FARS2: variants seen among roughly 807,000 people sequenced by gnomAD.
The protein encoded by FARS2 is phenylalanine--tRNA ligase, mitochondrial.
Under a neutral mutation model 46.4 loss-of-function variants are expected in FARS2, and 40 were observed. That is an observed-to-expected ratio of 0.86 (90% CI 0.67 to 1.12). The LOEUF (loss-of-function observed/expected upper bound fraction) is 1.12. Ranked by LOEUF, FARS2 falls within the 50% of genes most tolerant of loss-of-function variation. The probability of loss-of-function intolerance (pLI) is 0.00; values close to 1 mark genes in which losing one functional copy is unlikely to be tolerated. For missense variants in FARS2, 513 were observed against 567.9 expected, an observed-to-expected ratio of 0.90 and a Z score of 0.98; for synonymous variants, 234 against 214.9, an observed-to-expected ratio of 1.09 and a Z score of -0.78.
the FARS2 span, among the ~76,000 whole-genome samples, chr6:5,254,949 C>T: frequency 6.6e-6 from 1 of 152,114 alleles, no homozygotes; most frequent in Non-Finnish European, 1.5e-5. Context: ...TGATTCATGT[C>T]TCAACCCCCA....
chr6:5,771,178 C>A, intron 6 of FARS2, 113 bp from the exon 7 acceptor site: 1 of 1,182,046 alleles, frequency 8.5e-7, no homozygotes, highest in Non-Finnish European at 1.2e-6. Flanking sequence ...ACCTGGATTC[C>A]AACCTCAGTT....
intron 5 of FARS2, among the ~76,000 whole-genome samples, chr6:5,580,286 T>G (rs1773248920): frequency 2.0e-5 from 1 of 50,478 alleles, no homozygotes; most frequent in Non-Finnish European, 3.6e-5. Context: ...GAAGACTCCG[T>G]CTCAAAAAAA....
At chr6:5,585,792 C>T (rs1190028852) in intron 5 of FARS2, among the ~76,000 whole-genome samples, 2 of 151,796 alleles carry the variant, frequency 1.3e-5, no homozygotes, top group African/African-American at 4.8e-5. Flanking sequence ...ATATATATGT[C>T]AATTTCTTTA....
chr6:5,748,664 A>G (rs925522154), intron 6 of FARS2, among the ~76,000 whole-genome samples: 1 of 152,362 alleles, frequency 6.6e-6, no homozygotes, highest in East Asian at 1.9e-4. Flanking sequence ...TCGTTCAAAG[A>G]CACACTACTA....
rs1266832148 is a variant in FARS2, at chr6:5,537,465, G to GTTGGAGATGT, written c.905-7715_905-7714insTTGGAGATGT. On this transcript the variant is annotated intron_variant, in intron 4 of 6. Transcript: ENST00000274680. ...GGAGATGTCCCGGGCCTCCTCTCGAGCTGGAGATGTCCCGGGCCTCCTCTC... is the reference window on the plus strand; with the variant it reads ...GGAGATGTCCCGGGCCTCCTCTCGAGTTGGAGATGTCTGGAGATGTCCCGGGCCTCCTCTC... Among the ~76,000 whole-genome samples the GTTGGAGATGT allele has an allele frequency of 9.0e-4, 123 of 136,164 alleles. 54 individuals carry two copies. The highest frequency in any genetic ancestry group is 1.4e-3 in the Non-Finnish European group (89 of 61,690). The allele number at this position is 136,164 out of a possible 152,430, so 89.3% of individuals were successfully genotyped here. A position where few individuals can be genotyped will look rare whatever the true frequency, so the allele number is the denominator to read the frequency against.
intron 4 of FARS2, among the ~76,000 whole-genome samples, chr6:5,441,565 T>C (rs112003368): frequency 2.2e-3 from 340 of 152,348 alleles, no homozygotes; most frequent in African/African-American, 7.7e-3. Flanking sequence ...TTCATCTGTG[T>C]TGTCATAAGT....
intron 1 of FARS2, among the ~76,000 whole-genome samples, chr6:5,319,116 C>T (rs889221983): frequency 2.6e-5 from 4 of 152,014 alleles, no homozygotes; most frequent in African/African-American, 9.7e-5. Flanking sequence ...CCCCCTGTGC[C>T]CTCCCAGGAA....
intron 6 of FARS2, among the ~76,000 whole-genome samples, chr6:5,744,762 G>A (rs986426140): frequency 5.9e-5 from 9 of 152,228 alleles, no homozygotes; most frequent in African/African-American, 1.7e-4. Context: ...CGTGATTGGC[G>A]CATAGCCAAG....
chr6:5,509,821 A>G (rs978779192), intron 4 of FARS2, among the ~76,000 whole-genome samples: 4 of 152,232 alleles, frequency 2.6e-5, no homozygotes, highest in Admixed American at 6.5e-5. Flanking sequence ...TATCCACAAC[A>G]CAACATCTAT....
intron 6 of FARS2, among the ~76,000 whole-genome samples, chr6:5,766,163 T>C (rs1762738573): frequency 6.6e-6 from 1 of 152,244 alleles, no homozygotes; most frequent in Non-Finnish European, 1.5e-5. Context: ...AGAGAACTTT[T>C]GTTTGCCTCT....
At chr6:5,696,751 A>AT (rs1188052203) in intron 6 of FARS2, among the ~76,000 whole-genome samples, 1 of 152,192 alleles carries the variant, frequency 6.6e-6, no homozygotes, top group Non-Finnish European at 1.5e-5. Flanking sequence ...TACAATTTAA[A>AT]TTTTTTACTA....
intron 5 of FARS2, among the ~76,000 whole-genome samples, chr6:5,545,813 A>G (rs1459218950): frequency 6.6e-6 from 1 of 152,104 alleles, no homozygotes; most frequent in East Asian, 1.9e-4. Flanking sequence ...GGCTGCATGA[A>G]TTTTAAATAA....
chr6:5,628,603 G>A lies in FARS2; in HGVS notation c.1217+15283G>A, dbSNP rs77326602. Reference sequence around the variant, plus strand: ...ATGTTTGGACAGAAAACCAAAGGGCGCTTGGATTACTCCTCCAGCGGCTGA... The same window carrying A: ...ATGTTTGGACAGAAAACCAAAGGGCACTTGGATTACTCCTCCAGCGGCTGA... On this transcript the variant is annotated intron_variant, in intron 6 of 6. Coordinates refer to ENST00000274680, the MANE Select transcript of FARS2 (RefSeq NM_006567.5). 2.4e-4 allele frequency among the ~76,000 whole-genome samples: 37 copies of A among 152,364 alleles called. 1 individual carries two copies. The highest frequency in any genetic ancestry group is 1.9e-4 in the East Asian group (1 of 5,186).
chr6:5,618,941 T>A (rs1381412228), intron 6 of FARS2, among the ~76,000 whole-genome samples: 1 of 152,226 alleles, frequency 6.6e-6, no homozygotes, highest in East Asian at 1.9e-4. Flanking sequence ...TGATATCCCC[T>A]CCATCACATT....
chr6:5,354,314 CTAT>C lies in FARS2; in HGVS notation c.-21-14229_-21-14227del, dbSNP rs145289885. On this transcript the variant is annotated intron_variant, in intron 1 of 6. Transcript: ENST00000274680. The stretch of plus-strand genomic sequence containing the variant: ...TCAGAGGGGATGGAGGAGCTGAGTA[CTAT>C]TATTATAATAACAGTAGAGGATCTG... 6.4e-3 allele frequency among the ~76,000 whole-genome samples: 981 copies of C among 152,114 alleles called. 12 individuals carry two copies. The highest frequency in any genetic ancestry group is 0.043 in the South Asian group (206 of 4,810).
At chr6:5,354,868 A>G (rs1336275501) in intron 1 of FARS2, among the ~76,000 whole-genome samples, 1 of 152,048 alleles carries the variant, frequency 6.6e-6, no homozygotes, top group African/African-American at 2.4e-5. Flanking sequence ...AAGGGTTATT[A>G]AGGTACAGAC....
chr6:5,429,244 T>G (rs932473369), intron 3 of FARS2, among the ~76,000 whole-genome samples: 4 of 152,150 alleles, frequency 2.6e-5, no homozygotes, highest in Non-Finnish European at 4.4e-5. Context: ...TGCACTTTAA[T>G]GTTTGTCTAT....
intron 4 of FARS2, among the ~76,000 whole-genome samples, chr6:5,529,508 A>AT (rs1554105443): frequency 6.6e-6 from 1 of 152,114 alleles, no homozygotes; most frequent in Non-Finnish European, 1.5e-5. Context: ...GGGTTTTACC[A>AT]TGTTGGCCAG....
At chr6:5,339,433 CTT>C (rs879580170) in intron 1 of FARS2, among the ~76,000 whole-genome samples, 5 of 144,496 alleles carry the variant, frequency 3.5e-5, no homozygotes, top group South Asian at 2.2e-4. Context: ...CAGGAGACTT[CTT>C]TTTTTTTTTT....
Sources: gnomAD v4.1 joint callset for allele counts (sites outside exome capture counted in the v4.1 genomes callset) on GRCh38, gnomAD v4.1.1 for gene constraint, MANE v1.5 for transcripts, NCBI Gene and HGNC (gene_info 2026-07-23, HGNC 2026-07-21) for gene names.